PRELID2: variants seen among roughly 807,000 people sequenced by gnomAD.
The protein encoded by PRELID2 is PRELI domain-containing protein 2.
PRELID2 carries 25 observed loss-of-function variants against 28.4 expected under a neutral mutation model. That is an observed-to-expected ratio of 0.88 (90% CI 0.64 to 1.23). The LOEUF (loss-of-function observed/expected upper bound fraction) is 1.23, where lower values mean the gene tolerates loss of function less well. Among genes scored for constraint, PRELID2 ranks in the 50% most tolerant of loss-of-function variants. PRELID2 has a pLI of 0.00. For synonymous variants in PRELID2, 76 were observed against 71.6 expected, an observed-to-expected ratio of 1.06 and a Z score of -0.31; for missense variants, 201 against 214.4, an observed-to-expected ratio of 0.94 and a Z score of 0.39.
chr5:145,712,693 T>C (rs2149711071), intron 1 of PRELID2, among the ~76,000 whole-genome samples: 1 of 152,186 alleles, frequency 6.6e-6, no homozygotes, highest in Middle Eastern at 3.4e-3. Context: ...AGAGAGAATA[T>C]AGTATATGGA....
At chr5:145,724,600 A>AATAAATAAATAT (rs1308255896) in intron 1 of PRELID2, among the ~76,000 whole-genome samples, 4 of 24,788 alleles carry the variant, frequency 1.6e-4, no homozygotes, top group African/African-American at 4.2e-4. Context: ...GAAGTAAATA[A>AATAAATAAATAT]ATATATATAT....
intron 1 of PRELID2, among the ~76,000 whole-genome samples, chr5:145,715,412 CTA>C (rs555870127): frequency 6.1e-4 from 93 of 152,220 alleles, no homozygotes; most frequent in Non-Finnish European, 1.0e-3. Context: ...TAGACCATTG[CTA>C]TACTTTCTAA....
At chr5:145,622,336 A>G (rs1753784928) in intron 1 of PRELID2, among the ~76,000 whole-genome samples, 1 of 152,160 alleles carries the variant, frequency 6.6e-6, no homozygotes, top group Non-Finnish European at 1.5e-5. Flanking sequence ...TGTGACTTAT[A>G]TCCCTATAAA....
the PRELID2 span, among the ~76,000 whole-genome samples, chr5:145,369,399 G>T: frequency 6.6e-6 from 1 of 151,960 alleles, no homozygotes; most frequent in Non-Finnish European, 1.5e-5. Flanking sequence ...GTGTTAGTTT[G>T]CTGAGAATGA....
the PRELID2 span, among the ~76,000 whole-genome samples, chr5:145,295,504 T>A: frequency 6.6e-6 from 1 of 152,120 alleles, no homozygotes; most frequent in East Asian, 1.9e-4. Flanking sequence ...AAGAAATTGA[T>A]TGTAGATTTC....
the PRELID2 span, among the ~76,000 whole-genome samples, chr5:145,398,675 C>T: frequency 6.6e-6 from 1 of 152,068 alleles, no homozygotes; most frequent in African/African-American, 2.4e-5. Context: ...TAGCAACAAA[C>T]AATGTTCCTG....
chr5:145,804,009 T>G (rs1175597751), intron 4 of PRELID2, among the ~76,000 whole-genome samples: 1 of 152,154 alleles, frequency 6.6e-6, no homozygotes, highest in Non-Finnish European at 1.5e-5. Flanking sequence ...CATCCTTCTC[T>G]GACCTCCTCT....
At chr5:145,278,947 C>T in the PRELID2 span, among the ~76,000 whole-genome samples, 1 of 152,074 alleles carries the variant, frequency 6.6e-6, no homozygotes, top group Admixed American at 6.6e-5. Context: ...GCATGAGTGG[C>T]CCTGTTCTCT....
the PRELID2 span, among the ~76,000 whole-genome samples, chr5:145,458,058 G>C: frequency 2.6e-5 from 4 of 152,108 alleles, no homozygotes; most frequent in Non-Finnish European, 5.9e-5. Context: ...CCACCAACTT[G>C]TTTTGGGTGA....
the PRELID2 span, among the ~76,000 whole-genome samples, chr5:145,415,241 GT>G: frequency 6.6e-6 from 1 of 151,496 alleles, no homozygotes; most frequent in Non-Finnish European, 1.5e-5. Context: ...TTTTTTTGTT[GT>G]TGGTTTTGTT....
At chr5:145,787,770 A>T (rs908440083) in intron 5 of PRELID2, among the ~76,000 whole-genome samples, 6 of 152,092 alleles carry the variant, frequency 3.9e-5, no homozygotes, top group Non-Finnish European at 7.4e-5. Flanking sequence ...CAAACTCCTG[A>T]GCTCAAGTGA....
chr5:145,792,013 C>A (rs955233173), intron 5 of PRELID2, among the ~76,000 whole-genome samples: 2 of 152,126 alleles, frequency 1.3e-5, no homozygotes, highest in African/African-American at 4.8e-5. Context: ...AGTAGCATGG[C>A]CGCATTCCTC....
At chr5:145,645,293 T>C (rs1754177180) in intron 1 of PRELID2, among the ~76,000 whole-genome samples, 1 of 151,850 alleles carries the variant, frequency 6.6e-6, no homozygotes, top group Admixed American at 6.6e-5. Context: ...TTGATCTTTG[T>C]TGGTTTAAAG....
chr5:145,303,635 C>T, the PRELID2 span, among the ~76,000 whole-genome samples: 1 of 152,120 alleles, frequency 6.6e-6, no homozygotes, highest in Admixed American at 6.5e-5. Context: ...ACTGTGTGGT[C>T]TGGTATGTCT....
intron 1 of PRELID2, among the ~76,000 whole-genome samples, chr5:145,643,585 T>C (rs1185674535): frequency 2.0e-5 from 3 of 152,224 alleles, no homozygotes; most frequent in East Asian, 3.8e-4. Context: ...ATTCTTGCCT[T>C]GTGCAGGATT....
At chr5:145,760,740 G>T (rs914370774) in intron 6 of PRELID2, among the ~76,000 whole-genome samples, 3 of 152,222 alleles carry the variant, frequency 2.0e-5, no homozygotes, top group Non-Finnish European at 4.4e-5. Flanking sequence ...CTGGTTCAGA[G>T]AAGAGTTAAG....
chr5:145,708,204 C>T (rs923274724), intron 1 of PRELID2, among the ~76,000 whole-genome samples: 2 of 151,584 alleles, frequency 1.3e-5, no homozygotes, highest in Non-Finnish European at 2.9e-5. Context: ...ATATGTTGGG[C>T]TTCAGAGTAA....
At chr5:145,772,458 G>A (rs1758167491) in intron 5 of PRELID2, among the ~76,000 whole-genome samples, 2 of 152,138 alleles carry the variant, frequency 1.3e-5, no homozygotes, top group South Asian at 4.1e-4. Flanking sequence ...AAGTTTATTT[G>A]GTTTACAGTG....
chr5:145,387,603 C>T, the PRELID2 span, among the ~76,000 whole-genome samples: 2 of 152,032 alleles, frequency 1.3e-5, no homozygotes, highest in South Asian at 4.1e-4. Context: ...ACTTTTTTGA[C>T]CATACATGGC....
Sources: allele counts gnomAD v4.1 joint callset (sites outside exome capture counted in the v4.1 genomes callset), GRCh38; gene constraint gnomAD v4.1.1; transcripts MANE v1.5; gene names NCBI Gene and HGNC (gene_info 2026-07-23, HGNC 2026-07-21).